RPA1: variants seen among roughly 807,000 people sequenced by gnomAD.
The protein encoded by RPA1 is replication protein A1.
A neutral mutation model predicts 83.0 loss-of-function variants in RPA1; 49 were observed. That is an observed-to-expected ratio of 0.59 (90% CI 0.47 to 0.75). The LOEUF is 0.75. Among genes scored for constraint, RPA1 ranks in the 30% least tolerant of loss-of-function variants. The probability of loss-of-function intolerance (pLI) is 0.00; values close to 1 mark genes in which losing one functional copy is unlikely to be tolerated. For synonymous variants in RPA1, 279 were observed against 281.8 expected, an observed-to-expected ratio of 0.99 and a Z score of 0.10; for missense variants, 693 against 776.1, an observed-to-expected ratio of 0.89 and a Z score of 1.27.
chr17:1,879,293 T>A lies in RPA1; in HGVS notation c.838T>A (p.Phe280Ile). 1.2e-6 allele frequency: 2 copies of A among 1,614,216 alleles called. No homozygotes were observed. The highest frequency in any genetic ancestry group is 1.7e-6 in the Non-Finnish European group (2 of 1,180,040). The change falls in exon 10 of 17, where the codon TTC becomes ATC. Residue 280 changes from phenylalanine (F) to isoleucine (I), a missense_variant. Phe to Ile is a conservative substitution (Grantham distance 21). Coordinates refer to ENST00000254719, the MANE Select transcript of RPA1 (RefSeq NM_002945.5). ...TAVKNDYEMT[F>I]NNETSVMPCE... ...TGTTAAAAATGACTACGAGATGACC[T>A]TCAATAACGAGACTTCCGTCATGCC...
chr17:1,838,476 G>C (rs1911908858), intron 1 of RPA1, among the ~76,000 whole-genome samples: 1 of 151,262 alleles, frequency 6.6e-6, no homozygotes, highest in South Asian at 2.1e-4. Context: ...GGTGGCGCAT[G>C]CCTGTAACCT....
chr17:1,850,385 A>T (rs1912447381), intron 4 of RPA1, among the ~76,000 whole-genome samples: 1 of 148,928 alleles, frequency 6.7e-6, no homozygotes, highest in South Asian at 2.1e-4. Context: ...AAAATACAAA[A>T]ATTAGCCAGG....
chr17:1,895,386 G>A (rs1002634768), intron 16 of RPA1, among the ~76,000 whole-genome samples: 5 of 144,678 alleles, frequency 3.5e-5, no homozygotes, highest in African/African-American at 5.1e-5. Context: ...GGATTTTTTC[G>A]TCTGTGTTCT....
intron 12 of RPA1, among the ~76,000 whole-genome samples, chr17:1,880,977 G>C (rs1256503137): frequency 2.0e-5 from 3 of 152,244 alleles, no homozygotes; most frequent in African/African-American, 4.8e-5. Flanking sequence ...CCAGGCTTCA[G>C]CAGCGGTGTG....
chr17:1,847,935 A>T (rs1187231556), intron 4 of RPA1, among the ~76,000 whole-genome samples: 1 of 152,024 alleles, frequency 6.6e-6, no homozygotes, highest in Non-Finnish European at 1.5e-5. Flanking sequence ...AGGCAGGAGA[A>T]TCGCTTGAAC....
intron 12 of RPA1, among the ~76,000 whole-genome samples, chr17:1,882,895 G>A (rs533315759): frequency 6.6e-6 from 1 of 152,276 alleles, no homozygotes; most frequent in African/African-American, 2.4e-5. Context: ...TTTAGGCCTG[G>A]GGTGGTCTGG....
intron 1 of RPA1, among the ~76,000 whole-genome samples, chr17:1,836,875 G>A (rs556486211): frequency 7.1e-6 from 1 of 140,946 alleles, no homozygotes; most frequent in Admixed American, 7.4e-5. Flanking sequence ...GTCTTGCTCT[G>A]TTGCCAGACT....
intron 15 of RPA1, among the ~76,000 whole-genome samples, chr17:1,894,526 A>G (rs1209302386): frequency 2.6e-5 from 4 of 152,212 alleles, no homozygotes; most frequent in African/African-American, 4.8e-5. Flanking sequence ...TAAAGCATAC[A>G]TAACCAAATT....
At chr17:1,839,670 T>C (rs551136219) in intron 1 of RPA1, among the ~76,000 whole-genome samples, 1 of 150,982 alleles carries the variant, frequency 6.6e-6, no homozygotes, top group African/African-American at 2.4e-5. Context: ...TCTCACTTAG[T>C]CATCCAAGCT....
chr17:1,874,024 T>TACAC (rs1364758006), intron 6 of RPA1, among the ~76,000 whole-genome samples: 25 of 111,096 alleles, frequency 2.3e-4, no homozygotes, highest in Non-Finnish European at 3.8e-4. Flanking sequence ...TATATATATA[T>TACAC]ATATATATAC....
At chr17:1,831,879 G>A (rs1326445823) in intron 1 of RPA1, among the ~76,000 whole-genome samples, 4 of 147,290 alleles carry the variant, frequency 2.7e-5, no homozygotes, top group East Asian at 2.0e-4. Flanking sequence ...GGTTACAGGC[G>A]TGAGCCACTG....
At chr17:1,846,855 GT>G (rs1912283408) in intron 4 of RPA1, among the ~76,000 whole-genome samples, 1 of 152,106 alleles carries the variant, frequency 6.6e-6, no homozygotes, top group Non-Finnish European at 1.5e-5. Context: ...TAATAGTACA[GT>G]TTTTAGTTTT....
At chr17:1,852,305 A>C (rs17291860) in intron 4 of RPA1, among the ~76,000 whole-genome samples, 2,314 of 152,332 alleles carry the variant, frequency 0.015, 72 homozygotes, top group African/African-American at 0.053. Flanking sequence ...AGTGTTCTGA[A>C]GGAAAGAAAT....
At chr17:1,873,259 A>G (rs2151284285) in intron 6 of RPA1, among the ~76,000 whole-genome samples, 1 of 152,200 alleles carries the variant, frequency 6.6e-6, no homozygotes, top group East Asian at 1.9e-4. Flanking sequence ...TCTCCTTCTC[A>G]ATTTCATGGA....
chr17:1,862,028 C>T (rs547920311), intron 5 of RPA1, among the ~76,000 whole-genome samples: 50 of 151,804 alleles, frequency 3.3e-4, no homozygotes, highest in Admixed American at 7.2e-4. Context: ...GTAGCTGGGA[C>T]TACAGGCACC....
In RPA1 at chr17:1,853,189, G is replaced by C; in HGVS notation, c.361G>C (p.Gly121Arg). 1 of 1,612,918 alleles carries C rather than the reference G, an allele frequency of 6.2e-7. No individual in the cohort carries two copies. The highest frequency in any genetic ancestry group is 8.5e-7 in the Non-Finnish European group (1 of 1,178,972). ...TGGCAATCCAGTGCCCTATAATGAA[G>C]GTAAAATGCTTTGGCGTAGGTTGTA... ...KIGNPVPYNE[G>R]LGQPQVAPPA... Residue 121 changes from glycine to arginine, a missense_variant and splice_region_variant, in exon 5 of 17, where the codon GGA becomes CGA. Physicochemically the swap from Gly to Arg is moderately radical, Grantham distance 125. Transcript: ENST00000254719.
Position 1,850,508 on chromosome 17 carries a change from G to A in RPA1, c.273-2593G>A, listed in dbSNP as rs150656992. Reference sequence around the variant, plus strand: ...GTTGAGATTGCCCCACTGTACTCTAGCCTGGGTGACAGAGCAAGACTCCGT... The same window carrying A: ...GTTGAGATTGCCCCACTGTACTCTAACCTGGGTGACAGAGCAAGACTCCGT... On this transcript the variant is annotated intron_variant, in intron 4 of 16. Coordinates refer to ENST00000254719, the MANE Select transcript of RPA1 (RefSeq NM_002945.5). Among the ~76,000 whole-genome samples the A allele has an allele frequency of 7.3e-4, 110 of 149,760 alleles. 4 individuals carry two copies. The East Asian group carries it at 0.021, about 29-fold the overall frequency.
intron 5 of RPA1, among the ~76,000 whole-genome samples, chr17:1,857,263 T>G (rs1267302532): frequency 1.7e-5 from 2 of 119,140 alleles, no homozygotes; most frequent in African/African-American, 3.8e-5. Context: ...TTCTTTTTCT[T>G]TTTCTTTTTT....
intron 4 of RPA1, among the ~76,000 whole-genome samples, chr17:1,850,390 G>A (rs1912447660): frequency 2.0e-5 from 3 of 150,136 alleles, no homozygotes; most frequent in East Asian, 4.0e-4. Context: ...ACAAAAATTA[G>A]CCAGGCATGG....
Sources: gnomAD v4.1 joint callset for allele counts (sites outside exome capture counted in the v4.1 genomes callset) on GRCh38, gnomAD v4.1.1 for gene constraint, MANE v1.5 for transcripts, NCBI Gene and HGNC (gene_info 2026-07-23, HGNC 2026-07-21) for gene names.